Variants in LRRC74A observed in about 807,000 individuals in gnomAD.
LRRC74A encodes the protein leucine-rich repeat-containing protein 74A.
Under a neutral mutation model 57.9 loss-of-function variants are expected in LRRC74A, and 44 were observed. That is an observed-to-expected ratio of 0.76 (90% CI 0.60 to 0.98). LRRC74A has a LOEUF of 0.98. LRRC74A is among the 50% of genes least tolerant of loss of function. The pLI is 0.00. For synonymous variants in LRRC74A, 211 were observed against 219.4 expected, an observed-to-expected ratio of 0.96 and a Z score of 0.34; for missense variants, 572 against 574.0, an observed-to-expected ratio of 1.00 and a Z score of 0.04.
At chr14:76,828,831 C>T (rs1895774197) in intron 2 of LRRC74A, 6 of 412,964 alleles carry the variant, frequency 1.5e-5, no homozygotes, top group South Asian at 1.9e-5. Flanking sequence ...CCAGGGACAG[C>T]GGGAGTTTGC....
At chr14:76,859,037 G>A (rs1358512296) in intron 10 of LRRC74A, among the ~76,000 whole-genome samples, 1 of 152,062 alleles carries the variant, frequency 6.6e-6, no homozygotes, top group Non-Finnish European at 1.5e-5. Context: ...CCTCCCTGCC[G>A]CAGGCCCTTC....
intron 11 of LRRC74A, among the ~76,000 whole-genome samples, chr14:76,862,287 C>A (rs148539260): frequency 1.3e-5 from 2 of 152,118 alleles, no homozygotes; most frequent in Non-Finnish European, 2.9e-5. Flanking sequence ...CCCAGCAATT[C>A]GGGAGGCCAA....
chr14:76,826,689 C>G lies in LRRC74A; in HGVS notation c.-9C>G, dbSNP rs1006422890. On this transcript the variant is annotated 5_prime_UTR_variant, in exon 1 of 14. Coordinates refer to ENST00000689127, the MANE Select transcript of LRRC74A (RefSeq NM_001385106.1). Reference sequence around the variant, plus strand: ...AGTTGGCAGCTGCCCTCAAGAGGGTCCTGGCACCATGGACAATGACAAGCC... The same window carrying G: ...AGTTGGCAGCTGCCCTCAAGAGGGTGCTGGCACCATGGACAATGACAAGCC... The G allele has an allele frequency of 6.4e-7, 1 of 1,564,062 alleles. No individual in the cohort carries two copies. The highest frequency in any genetic ancestry group is 1.8e-5 in the Admixed American group (1 of 54,486).
intron 12 of LRRC74A, among the ~76,000 whole-genome samples, chr14:76,867,153 GT>G (rs1898949527): frequency 1.1e-4 from 1 of 8,964 alleles, no homozygotes; most frequent in Non-Finnish European, 2.6e-4. Context: ...GGGTGTGTGT[GT>G]TGGGGGTGGG....
At chr14:76,842,910 A>G (rs1896871662) in intron 5 of LRRC74A, among the ~76,000 whole-genome samples, 1 of 152,184 alleles carries the variant, frequency 6.6e-6, no homozygotes, top group South Asian at 2.1e-4. Context: ...CTGATGTGCA[A>G]AATATCAAGA....
chr14:76,835,771 T>TA (rs1896285947), intron 3 of LRRC74A, among the ~76,000 whole-genome samples: 2 of 152,112 alleles, frequency 1.3e-5, no homozygotes, highest in African/African-American at 4.8e-5. Flanking sequence ...AGATAAAACT[T>TA]AAGCGTAAAT....
Position 76,831,295 on chromosome 14 carries a change from A to C in LRRC74A, c.259A>C (p.Asn87His), listed in dbSNP as rs751463009. 1 of 1,613,954 alleles carries C rather than the reference A, an allele frequency of 6.2e-7. No individual in the cohort carries two copies. Among genetic ancestry groups the C allele is most frequent in the Admixed American group, 1.7e-5 (1 of 60,010 alleles). The change falls in exon 3 of 14, where the codon AAC becomes CAC. Residue 87 changes from asparagine (N) to histidine (H), a missense_variant. Asn to His is a moderately conservative substitution (Grantham distance 68, BLOSUM62 1). Coordinates refer to ENST00000689127, the MANE Select transcript of LRRC74A (RefSeq NM_001385106.1). Reference protein sequence around the residue: ...GVVPVSYFIRNMEESYVNLNH... With the variant: ...GVVPVSYFIRHMEESYVNLNH... ...AGTGCCTGTCTCCTACTTCATTCGG[A>C]ACATGGAGGAGTCCTACGTGAACCT...
intron 7 of LRRC74A, among the ~76,000 whole-genome samples, chr14:76,847,105 G>T (rs1014803151): frequency 2.0e-5 from 3 of 152,168 alleles, no homozygotes; most frequent in Admixed American, 1.3e-4. Flanking sequence ...AACCAGAAAA[G>T]CGAGGTGGCA....
At chr14:76,854,242 C>T (rs11620646) in intron 9 of LRRC74A, among the ~76,000 whole-genome samples, 34,544 of 152,182 alleles carry the variant, frequency 0.23, 4,089 homozygotes, top group East Asian at 0.36. Context: ...TGCTGCCCTT[C>T]CTAATTCCAT....
intron 13 of LRRC74A, among the ~76,000 whole-genome samples, chr14:76,868,758 C>T (rs1899162545): frequency 6.6e-6 from 1 of 152,230 alleles, no homozygotes; most frequent in African/African-American, 2.4e-5. Flanking sequence ...TCCTTCGCTC[C>T]ACTCAGCGTC....
intron 1 of LRRC74A, among the ~76,000 whole-genome samples, chr14:76,827,675 G>T (rs1895668619): frequency 6.6e-6 from 1 of 152,124 alleles, no homozygotes; most frequent in Non-Finnish European, 1.5e-5. Flanking sequence ...ATTAATCATA[G>T]TAATTCATTT....
At chr14:76,834,421 A>G (rs951616503) in intron 3 of LRRC74A, among the ~76,000 whole-genome samples, 8 of 152,276 alleles carry the variant, frequency 5.3e-5, no homozygotes, top group African/African-American at 1.9e-4. Flanking sequence ...TCATTTGACA[A>G]TTAATCATCA....
intron 11 of LRRC74A, among the ~76,000 whole-genome samples, chr14:76,864,413 G>A (rs1301717278): frequency 1.4e-4 from 1 of 7,272 alleles, no homozygotes; most frequent in Admixed American, 1.7e-3. Context: ...GAGAGGAAGG[G>A]GGGGGGGGGG....
chr14:76,851,564 G>A (rs536268933), intron 7 of LRRC74A, among the ~76,000 whole-genome samples: 1 of 152,036 alleles, frequency 6.6e-6, no homozygotes, highest in African/African-American at 2.4e-5. Context: ...CATCATGTTG[G>A]CCAGGCTGGT....
At chr14:76,851,714 G>T (rs1429867012) in intron 7 of LRRC74A, among the ~76,000 whole-genome samples, 1 of 148,502 alleles carries the variant, frequency 6.7e-6, no homozygotes, top group Non-Finnish European at 1.5e-5. Context: ...TCGCCAGGCT[G>T]GAGTGCAGTG....
rs747577358 is a variant in LRRC74A, at chr14:76,826,684, A to C, written c.-14A>C. On this transcript the variant is annotated 5_prime_UTR_variant, in exon 1 of 14. Transcript: ENST00000689127. Reference sequence around the variant, plus strand: ...CAAGAAGTTGGCAGCTGCCCTCAAGAGGGTCCTGGCACCATGGACAATGAC... The same window carrying C: ...CAAGAAGTTGGCAGCTGCCCTCAAGCGGGTCCTGGCACCATGGACAATGAC... 1.3e-5 allele frequency: 20 copies of C among 1,568,820 alleles called. 1 individual carries two copies. The African/African-American group carries it at 2.0e-4, about 16-fold the overall frequency.
At position 76,857,442 on chromosome 14, in the gene LRRC74A, C is replaced by T. The variant is rs766558431; in HGVS notation, c.1020C>T (p.Asn340=). The T allele has an allele frequency of 1.9e-6, 3 of 1,586,322 alleles. No homozygotes were observed. Among genetic ancestry groups the T allele is most frequent in the Non-Finnish European group, 2.6e-6 (3 of 1,164,956 alleles). Residue 340 remains asparagine (N), a synonymous_variant, in exon 10 of 14, where the codon AAC becomes AAT. Coordinates refer to ENST00000689127, the MANE Select transcript of LRRC74A (RefSeq NM_001385106.1). ...TACTTATCCTGGCTATCAAGAGGAACCCCAAATCCAGGATGGAAGAGCTTG... is the reference window on the plus strand; with the variant it reads ...TACTTATCCTGGCTATCAAGAGGAATCCCAAATCCAGGATGGAAGAGCTTG... ...AILLILAIKR[N]PKSRMEELDI...
chr14:76,868,589 G>A (rs1899146228), intron 13 of LRRC74A, among the ~76,000 whole-genome samples: 1 of 152,178 alleles, frequency 6.6e-6, no homozygotes, highest in Non-Finnish European at 1.5e-5. Context: ...AGACCTCCCA[G>A]CCCAGACGAA....
Position 76,870,111 on chromosome 14 carries a change from A to AC in LRRC74A, c.1392-12dup. 1.2e-6 allele frequency: 2 copies of AC among 1,610,238 alleles called. No homozygotes were observed. The highest frequency in any genetic ancestry group is 1.7e-6 in the Non-Finnish European group (2 of 1,178,334). On this transcript the variant is annotated splice_polypyrimidine_tract_variant and intron_variant, in intron 13 of 13. Coordinates refer to ENST00000689127, the MANE Select transcript of LRRC74A (RefSeq NM_001385106.1). ...TACGGGTGCTCAGCATCTTTCCCTTACCTTTCGTACCAGTTTCTTGAACAC... is the reference window on the plus strand; with the variant it reads ...TACGGGTGCTCAGCATCTTTCCCTTACCCTTTCGTACCAGTTTCTTGAACAC...
Sources: allele counts gnomAD v4.1 joint callset (sites outside exome capture counted in the v4.1 genomes callset), GRCh38; gene constraint gnomAD v4.1.1; transcripts MANE v1.5; gene names NCBI Gene and HGNC (gene_info 2026-07-23, HGNC 2026-07-21).